RBPJ: variants seen among roughly 807,000 people sequenced by gnomAD.
The protein encoded by RBPJ is recombining binding protein suppressor of hairless.
RBPJ carries 9 observed loss-of-function variants against 67.8 expected under a neutral mutation model. The ratio of observed to expected loss-of-function variants is 0.13; its 90% CI spans 0.08 to 0.23. The LOEUF is 0.23. RBPJ is among the 10% of genes least tolerant of loss of function. RBPJ has a pLI of 1.00. For missense variants in RBPJ, 305 were observed against 595.6 expected (o/e 0.51, Z 5.08); for synonymous variants, 198 against 203.3 (o/e 0.97, Z 0.22).
At chr4:26,312,755 A>G (rs1159265445) in intron 1 of RBPJ, among the ~76,000 whole-genome samples, 1 of 152,214 alleles carries the variant, frequency 6.6e-6, no homozygotes, top group Non-Finnish European at 1.5e-5. Context: ...TCTTTTAGAC[A>G]GGGAGTCCTT....
intron 1 of RBPJ, among the ~76,000 whole-genome samples, chr4:26,378,609 A>C (rs1167166418): frequency 6.6e-6 from 1 of 152,230 alleles, no homozygotes; most frequent in African/African-American, 2.4e-5. Flanking sequence ...AGTTACCCTC[A>C]TTTAGATCTT....
At chr4:26,319,231 G>A (rs920747719), upstream of RBPJ, among the ~76,000 whole-genome samples, 2 of 152,026 alleles carry the variant, frequency 1.3e-5, no homozygotes, top group Non-Finnish European at 2.9e-5. Context: ...CCGGGAGATC[G>A]GCCTGGGGCT....
At chr4:26,376,921 G>A (rs754729467) in intron 1 of RBPJ, among the ~76,000 whole-genome samples, 7 of 152,076 alleles carry the variant, frequency 4.6e-5, no homozygotes, top group Non-Finnish European at 1.0e-4. Context: ...GTGCTTATTG[G>A]CCACTTGTGT....
chr4:26,184,097 G>A (rs1282452964), intron 1 of RBPJ, among the ~76,000 whole-genome samples: 2 of 150,978 alleles, frequency 1.3e-5, no homozygotes, highest in Non-Finnish European at 2.9e-5. Context: ...CAGGAGAATC[G>A]CTTGAACCTG....
intron 1 of RBPJ, among the ~76,000 whole-genome samples, chr4:26,173,014 A>C (rs145520434): frequency 4.9e-4 from 75 of 152,330 alleles, no homozygotes; most frequent in African/African-American, 1.7e-3. Flanking sequence ...TTTCCTACTG[A>C]AAATCAACTG....
intron 1 of RBPJ, among the ~76,000 whole-genome samples, chr4:26,244,155 ATG>A (rs1177732658): frequency 1.3e-5 from 2 of 148,644 alleles, no homozygotes; most frequent in East Asian, 2.0e-4. Context: ...GTACACATAT[ATG>A]TATATATATA....
At chr4:26,391,571 T>A (rs1731506109) in intron 2 of RBPJ, among the ~76,000 whole-genome samples, 3 of 152,084 alleles carry the variant, frequency 2.0e-5, no homozygotes, top group Admixed American at 2.0e-4. Context: ...GAAGAAAACA[T>A]AGGAGAAAAT....
chr4:26,385,907 C>T (rs1443031586), intron 1 of RBPJ, among the ~76,000 whole-genome samples: 1 of 151,948 alleles, frequency 6.6e-6, no homozygotes, highest in East Asian at 1.9e-4. Context: ...GGCTCAGTCT[C>T]TTGTCCCACT....
At chr4:26,326,792 C>G (rs1032684050) in intron 1 of RBPJ, among the ~76,000 whole-genome samples, 1 of 152,032 alleles carries the variant, frequency 6.6e-6, no homozygotes, top group Non-Finnish European at 1.5e-5. Context: ...AATCAGTTTC[C>G]TCTGGTAACC....
intron 1 of RBPJ, among the ~76,000 whole-genome samples, chr4:26,366,372 G>A (rs1448184668): frequency 6.6e-6 from 1 of 151,890 alleles, no homozygotes; most frequent in Non-Finnish European, 1.5e-5. Context: ...TTGCTATATT[G>A]TTTTGTGATG....
chr4:26,173,547 A>G (rs1577435049), intron 1 of RBPJ, among the ~76,000 whole-genome samples: 1 of 152,154 alleles, frequency 6.6e-6, no homozygotes, highest in East Asian at 1.9e-4. Flanking sequence ...CCTATGTGAA[A>G]TTTTATTTAC....
At chr4:26,247,854 G>C (rs916425673) in intron 1 of RBPJ, among the ~76,000 whole-genome samples, 3 of 152,178 alleles carry the variant, frequency 2.0e-5, no homozygotes, top group Non-Finnish European at 2.9e-5. Context: ...TAGAGAGGAA[G>C]GAGTGCAATA....
intron 3 of RBPJ, among the ~76,000 whole-genome samples, chr4:26,406,560 G>A (rs945749935): frequency 6.6e-6 from 1 of 152,212 alleles, no homozygotes; most frequent in South Asian, 2.1e-4. Flanking sequence ...TGGAACAATG[G>A]AGAGAGCACA....
At chr4:26,232,947 G>A (rs1339825648) in intron 1 of RBPJ, among the ~76,000 whole-genome samples, 1 of 152,170 alleles carries the variant, frequency 6.6e-6, no homozygotes, top group Admixed American at 6.5e-5. Context: ...TCTAAGTTTT[G>A]TAATATTATT....
chr4:26,383,572 A>T (rs1248447146), intron 1 of RBPJ, among the ~76,000 whole-genome samples: 1 of 152,228 alleles, frequency 6.6e-6, no homozygotes, highest in Non-Finnish European at 1.5e-5. Flanking sequence ...ATAATACTGC[A>T]TATTCACATA....
intron 1 of RBPJ, among the ~76,000 whole-genome samples, chr4:26,234,043 A>C (rs1007700312): frequency 3.9e-5 from 6 of 152,226 alleles, no homozygotes; most frequent in Non-Finnish European, 7.3e-5. Flanking sequence ...CATAGCTTAG[A>C]AACTATAGGG....
the RBPJ span, among the ~76,000 whole-genome samples, chr4:26,126,330 A>C: frequency 6.6e-6 from 1 of 152,318 alleles, no homozygotes; most frequent in African/African-American, 2.4e-5. Context: ...CCCAACCCCA[A>C]CTTCCTCCTA....
At chr4:26,205,933 C>A (rs1718154205) in intron 1 of RBPJ, among the ~76,000 whole-genome samples, 1 of 151,996 alleles carries the variant, frequency 6.6e-6, no homozygotes, top group African/African-American at 2.4e-5. Context: ...CTAAATGAAA[C>A]TCAAGTTACA....
chr4:26,206,725 A>G (rs886518708), intron 1 of RBPJ, among the ~76,000 whole-genome samples: 1 of 147,466 alleles, frequency 6.8e-6, no homozygotes. Flanking sequence ...TTTCAAAACT[A>G]TAAAAACGAA....
Sources: gnomAD v4.1 joint callset for allele counts (sites outside exome capture counted in the v4.1 genomes callset) on GRCh38, gnomAD v4.1.1 for gene constraint, MANE v1.5 for transcripts, NCBI Gene and HGNC (gene_info 2026-07-23, HGNC 2026-07-21) for gene names.